Variants in ZNF75A observed in about 807,000 individuals in gnomAD.
ZNF75A encodes zinc finger protein 75A.
ZNF75A carries 36 observed loss-of-function variants against 46.3 expected under a neutral mutation model. The ratio of observed to expected loss-of-function variants is 0.78; its 90% CI spans 0.60 to 1.03. ZNF75A has a LOEUF of 1.03. Ranked by LOEUF, ZNF75A falls within the 50% of genes least tolerant of loss-of-function variation. The pLI, the probability that ZNF75A is intolerant of heterozygous loss-of-function variation, is 0.00. For missense variants in ZNF75A, 595 were observed against 551.3 expected (o/e 1.08, Z -0.79); for synonymous variants, 234 against 189.9 (o/e 1.23, Z -1.91).
At chr16:3,321,330 C>T (rs760453428), downstream of ZNF75A, among the ~76,000 whole-genome samples, 22 of 152,090 alleles carry the variant, frequency 1.4e-4, no homozygotes, top group Non-Finnish European at 7.3e-5. Flanking sequence ...GCAGCCTTAC[C>T]GTGGCTTCAC....
intron 2 of ZNF75A, chr16:3,311,000 C>T: frequency 1.1e-6 from 1 of 949,490 alleles, no homozygotes; most frequent in Non-Finnish European, 1.3e-6. Context: ...TCTCTGAAAA[C>T]CTTCGCTGGC....
rs764922927 is a variant in ZNF75A at position 3,317,455 on chromosome 16, G to A, written c.1200G>A (p.Lys400=). 1.2e-6 allele frequency: 2 copies of A among 1,614,122 alleles called. No homozygotes were observed. The highest frequency in any genetic ancestry group is 2.7e-5 in the African/African-American group (2 of 75,048). ...ACAAGAAAGATTGTGCAAGAGAGAA[G>A]CCTTTTAAATGTCAGGAATGTGGGA... ...DRHKKDCARE[K]PFKCQECGKT... is the part of the protein sequence containing the mutation. The change falls in exon 7 of 7, where the codon AAG becomes AAA. Residue 400 remains lysine (K), a synonymous_variant. Transcript: ENST00000669516.
chr16:3,310,753 T>C, intron 2 of ZNF75A: 1 of 985,322 alleles, frequency 1.0e-6, no homozygotes, highest in Non-Finnish European at 1.2e-6. Flanking sequence ...GGACAGGAAA[T>C]GCACTGATGG....
At chr16:3,311,541 C>G (rs1040388012) in intron 2 of ZNF75A, 2 of 153,440 alleles carry the variant, frequency 1.3e-5, no homozygotes, top group Admixed American at 1.3e-4. Context: ...CTGGCAGGCA[C>G]CACAGTTTGT....
chr16:3,318,100 G>T lies in ZNF75A; in HGVS notation c.*231G>T, dbSNP rs1288575586. ...TGTATTGATCTCTCCAGTCATTTTT[G>T]AACACATCCAATAGAAACATTGGCA... On this transcript the variant is annotated 3_prime_UTR_variant, in exon 7 of 7. Coordinates refer to ENST00000669516, the MANE Select transcript of ZNF75A (RefSeq NM_001302109.2). 4 of 1,284,110 alleles carry T rather than the reference G, an allele frequency of 3.1e-6. No homozygotes were observed. The highest frequency in any genetic ancestry group is 2.9e-6 in the Non-Finnish European group (3 of 1,018,290). The allele number at this position is 1,284,110 out of a possible 1,614,324, so 79.5% of individuals were successfully genotyped here.
chr16:3,323,440 C>G (rs1359571357), downstream of ZNF75A: 2 of 746,490 alleles, frequency 2.7e-6, no homozygotes, highest in African/African-American at 1.7e-5. Context: ...GGATGGTGTT[C>G]TTATTGACCT....
Position 3,317,183 on chromosome 16 carries a change from C to T in ZNF75A, c.935-7C>T. The T allele has an allele frequency of 6.2e-7, 1 of 1,600,050 alleles. No homozygotes were observed. Among genetic ancestry groups the T allele is most frequent in the Non-Finnish European group, 8.5e-7 (1 of 1,173,886 alleles). ...ATACAGATGTGTGATTATGTTTATT[C>T]CAACAGGGTTAAAGCTCAAAAACGA... On this transcript the variant is annotated splice_region_variant and splice_polypyrimidine_tract_variant and intron_variant, in intron 6 of 6. Coordinates refer to ENST00000669516, the MANE Select transcript of ZNF75A (RefSeq NM_001302109.2).
chr16:3,313,296 A>G, intron 5 of ZNF75A, 121 bp downstream of exon 5: 1 of 1,000,796 alleles, frequency 1.0e-6, no homozygotes, highest in Non-Finnish European at 1.5e-6. Context: ...TAGATGGTAT[A>G]GGGGAGGGTG....
rs1041918642 is a variant in ZNF75A, at chr16:3,318,123, G to A, written c.*254G>A. ...TTGAACACATCCAATAGAAACATTG[G>A]CAGCATGGTCTTCCAAAACAAAAAG... On this transcript the variant is annotated 3_prime_UTR_variant, in exon 7 of 7. Coordinates refer to ENST00000669516, the MANE Select transcript of ZNF75A (RefSeq NM_001302109.2). 4.9e-6 allele frequency: 6 copies of A among 1,219,048 alleles called. No homozygotes were observed. The African/African-American group carries it at 6.3e-5, about 13-fold the overall frequency. The allele number at this position is 1,219,048 out of a possible 1,614,324, so 75.5% of individuals were successfully genotyped here. A position where few individuals can be genotyped will look rare whatever the true frequency, so the allele number is the denominator to read the frequency against.
chr16:3,320,048 C>G (rs991249418), downstream of ZNF75A, among the ~76,000 whole-genome samples: 2 of 147,038 alleles, frequency 1.4e-5, no homozygotes, highest in African/African-American at 2.5e-5. Context: ...CCTGCCCTAT[C>G]TTTTTTTTTT....
At chr16:3,310,905 A>G (rs943260780) in intron 2 of ZNF75A, 3 of 985,278 alleles carry the variant, frequency 3.0e-6, no homozygotes, top group African/African-American at 1.7e-5. Flanking sequence ...GCTGGGAAGA[A>G]TACAGGGCAG....
chr16:3,307,135 A>G (rs973719580), intron 1 of ZNF75A: 1 of 152,060 alleles, frequency 6.6e-6, no homozygotes, highest in African/African-American at 2.4e-5. Flanking sequence ...TGTTTACAAT[A>G]AAGAAGGTTT....
At chr16:3,320,791 C>T (rs2029909450), downstream of ZNF75A, among the ~76,000 whole-genome samples, 1 of 152,172 alleles carries the variant, frequency 6.6e-6, no homozygotes, top group Non-Finnish European at 1.5e-5. Flanking sequence ...GTTGTATCTT[C>T]AGTGAGTTGT....
chr16:3,317,737 A>G lies in ZNF75A; in HGVS notation c.1482A>G (p.Lys494=). 6.2e-7 allele frequency: 1 copy of G among 1,614,182 alleles called. No individual in the cohort carries two copies. The highest frequency in any genetic ancestry group is 1.1e-5 in the South Asian group (1 of 91,080). ...TCACATGTCATGAATGTGGAAAAAA[A>G]TTCAGTCAGAACTCCCACCTTATTA... is the stretch of plus-strand genomic sequence containing the variant. ...KPFTCHECGK[K]FSQNSHLIKH... The change falls in exon 7 of 7, where the codon AAA becomes AAG. Residue 494 remains lysine (K), a synonymous_variant. Coordinates refer to ENST00000669516, the MANE Select transcript of ZNF75A (RefSeq NM_001302109.2).
Position 3,311,764 on chromosome 16 carries a change from T to C in ZNF75A, c.420T>C (p.His140=), listed in dbSNP as rs955355819. The C allele has an allele frequency of 9.5e-7, 1 of 1,050,272 alleles. No homozygotes were observed. The highest frequency in any genetic ancestry group is 1.7e-5 in the African/African-American group (1 of 59,108). 65.1% of individuals were successfully genotyped at this position (1,050,272 alleles called of 1,614,324 possible). A position where few individuals can be genotyped will look rare whatever the true frequency, so the allele number is the denominator to read the frequency against. ...GGAATTATTTCTAGGTTGCAGTCCA[T>C]GAGCTGGGAAAGGAGGCAGTGCTCT... is the stretch of plus-strand genomic sequence containing the variant. ...SGQTWNGVAV[H]ELGKEAVLLG... Residue 140 remains histidine (H), a synonymous_variant, in exon 3 of 7, where the codon CAT becomes CAC. Coordinates refer to ENST00000669516, the MANE Select transcript of ZNF75A (RefSeq NM_001302109.2).
At chr16:3,310,225 C>T (rs1161292784) in intron 2 of ZNF75A, among the ~76,000 whole-genome samples, 1 of 151,984 alleles carries the variant, frequency 6.6e-6, no homozygotes, top group Non-Finnish European at 1.5e-5. Flanking sequence ...GAAACCCTGT[C>T]TCTACTAAAA....
Position 3,312,771 on chromosome 16 carries a change from G to A in ZNF75A, c.696+3G>A, listed in dbSNP as rs1001000870. The A allele has an allele frequency of 3.8e-5, 42 of 1,108,958 alleles. No homozygotes were observed. Among genetic ancestry groups the A allele is most frequent in the Non-Finnish European group, 4.3e-5 (39 of 907,896 alleles). The allele number at this position is 1,108,958 out of a possible 1,614,324, so 68.7% of individuals were successfully genotyped here. A position where few individuals can be genotyped will look rare whatever the true frequency, so the allele number is the denominator to read the frequency against. ...AGCACGTCTTGCCTGAGTCCCAGGT[G>A]AGCTGTGCTTTCCAGCTGTTGAGGG... On this transcript the variant is annotated splice_donor_region_variant and intron_variant, in intron 4 of 6. Coordinates refer to ENST00000669516, the MANE Select transcript of ZNF75A (RefSeq NM_001302109.2).
At chr16:3,313,392 C>T (rs1303586289) in intron 5 of ZNF75A, among the ~76,000 whole-genome samples, 1 of 152,168 alleles carries the variant, frequency 6.6e-6, no homozygotes, top group Non-Finnish European at 1.5e-5. Flanking sequence ...TTATCCTTTC[C>T]TTCTCTTTTC....
At chr16:3,322,505 G>T (rs532516078), downstream of ZNF75A, among the ~76,000 whole-genome samples, 1 of 152,112 alleles carries the variant, frequency 6.6e-6, no homozygotes, top group African/African-American at 2.4e-5. Context: ...AAAGCAGTTC[G>T]CCTAGTCTGA....
Sources: gnomAD v4.1 joint callset for allele counts (sites outside exome capture counted in the v4.1 genomes callset) on GRCh38, gnomAD v4.1.1 for gene constraint, MANE v1.5 for transcripts, NCBI Gene and HGNC (gene_info 2026-07-23, HGNC 2026-07-21) for gene names.